The following RIGI variants were observed in gnomAD, a reference collection of about 807,000 sequenced individuals.
RIGI encodes RNA sensor RIG-I.
At chr9:32,525,235 C>T in the RIGI span, among the ~76,000 whole-genome samples, 2 of 152,190 alleles carry the variant, frequency 1.3e-5, no homozygotes, top group Non-Finnish European at 2.9e-5. Flanking sequence ...CAGATATACT[C>T]TTTTGTCTCT....
chr9:32,457,201 C>G, the RIGI span: 1 of 1,613,928 alleles, frequency 6.2e-7, no homozygotes, highest in Non-Finnish European at 8.5e-7. Flanking sequence ...TGTCTGAACT[C>G]CAGTTGCAAT....
the RIGI span, chr9:32,526,188 G>GGCC: frequency 3.8e-6 from 6 of 1,597,956 alleles, no homozygotes; most frequent in Non-Finnish European, 5.1e-6. Flanking sequence ...CTTGCAGCTA[G>GGCC]CTACGTTCCC....
chr9:32,496,474 GA>G, the RIGI span, among the ~76,000 whole-genome samples: 1 of 152,204 alleles, frequency 6.6e-6, no homozygotes, highest in African/African-American at 2.4e-5. Flanking sequence ...AAAGGGAGAA[GA>G]AGGGCAAATT....
chr9:32,473,981 T>C, the RIGI span, among the ~76,000 whole-genome samples: 1 of 152,088 alleles, frequency 6.6e-6, no homozygotes, highest in African/African-American at 2.4e-5. Flanking sequence ...TGAGCCGAGG[T>C]TGTGCCACTG....
At chr9:32,482,773 C>T in the RIGI span, among the ~76,000 whole-genome samples, 5 of 151,814 alleles carry the variant, frequency 3.3e-5, no homozygotes, top group East Asian at 3.9e-4. Context: ...GCAGGAGAAT[C>T]GCTTGAACCC....
At chr9:32,471,156 G>A in the RIGI span, among the ~76,000 whole-genome samples, 1 of 152,254 alleles carries the variant, frequency 6.6e-6, no homozygotes, top group Middle Eastern at 3.2e-3. Flanking sequence ...TACTTGGGAG[G>A]CTGAGGCATG....
the RIGI span, among the ~76,000 whole-genome samples, chr9:32,492,191 C>T: frequency 2.6e-5 from 4 of 152,152 alleles, no homozygotes; most frequent in East Asian, 7.7e-4. Context: ...TTCCCCAGTC[C>T]ATTTTTAGGG....
At chr9:32,478,504 A>G in the RIGI span, among the ~76,000 whole-genome samples, 1 of 152,212 alleles carries the variant, frequency 6.6e-6, no homozygotes, top group Non-Finnish European at 1.5e-5. Context: ...GGAATTCACT[A>G]CAGTGGGAGC....
At chr9:32,522,390 T>G in the RIGI span, among the ~76,000 whole-genome samples, 2 of 152,226 alleles carry the variant, frequency 1.3e-5, no homozygotes, top group African/African-American at 4.8e-5. Context: ...TGGCAATGTG[T>G]TTTCTTGCAT....
chr9:32,474,725 GCCGGAAACAC>G, the RIGI span, among the ~76,000 whole-genome samples: 1 of 152,152 alleles, frequency 6.6e-6, no homozygotes, highest in Non-Finnish European at 1.5e-5. Flanking sequence ...GAGATCTTCA[GCCGGAAACAC>G]CCAGTTAAAT....
chr9:32,487,911 C>G, the RIGI span: 1 of 1,606,172 alleles, frequency 6.2e-7, no homozygotes, highest in Non-Finnish European at 8.5e-7. Flanking sequence ...AAGATTATAG[C>G]TCTTCTGAAG....
At chr9:32,494,034 G>A in the RIGI span, 5 of 984,174 alleles carry the variant, frequency 5.1e-6, no homozygotes, top group Non-Finnish European at 5.8e-6. Context: ...TGAATGTATG[G>A]TGGTAGAATT....
the RIGI span, among the ~76,000 whole-genome samples, chr9:32,491,713 CAAAAAAA>C: frequency 6.0e-5 from 6 of 100,418 alleles, no homozygotes; most frequent in South Asian, 1.0e-3. Context: ...TCGTATGCAC[CAAAAAAA>C]AAAAAAAAAA....
the RIGI span, among the ~76,000 whole-genome samples, chr9:32,498,085 T>C: frequency 6.6e-6 from 1 of 152,298 alleles, no homozygotes; most frequent in East Asian, 1.9e-4. Context: ...ACCTCCTGAC[T>C]GCCCCTCCCT....
At chr9:32,524,609 T>C in the RIGI span, among the ~76,000 whole-genome samples, 2 of 132,950 alleles carry the variant, frequency 1.5e-5, no homozygotes, top group African/African-American at 2.9e-5. Flanking sequence ...TTTTTTTTTT[T>C]TTTTTTTTTT....
chr9:32,498,781 G>C, the RIGI span, among the ~76,000 whole-genome samples: 4 of 152,070 alleles, frequency 2.6e-5, no homozygotes, highest in South Asian at 8.3e-4. Context: ...TCAGGAGTTG[G>C]AGGCCAACCT....
chr9:32,462,993 C>G, the RIGI span, among the ~76,000 whole-genome samples: 1 of 152,054 alleles, frequency 6.6e-6, no homozygotes, highest in Non-Finnish European at 1.5e-5. Context: ...CCCATCTCTA[C>G]TAAAACTACA....
At chr9:32,500,752 G>C in the RIGI span, 1 of 1,582,596 alleles carries the variant, frequency 6.3e-7, no homozygotes, top group Non-Finnish European at 8.6e-7. Flanking sequence ...TTACAGTATT[G>C]TCAAGCAGCA....
the RIGI span, chr9:32,488,347 G>T: frequency 2.5e-6 from 2 of 787,018 alleles, no homozygotes; most frequent in Non-Finnish European, 4.0e-6. Context: ...TTAGCACAGA[G>T]CCTGACACAT....
Sources: allele counts gnomAD v4.1 joint callset (sites outside exome capture counted in the v4.1 genomes callset), GRCh38; gene constraint gnomAD v4.1.1; transcripts MANE v1.5; gene names NCBI Gene and HGNC (gene_info 2026-07-23, HGNC 2026-07-21).